Variants in UQCC2 observed in about 807,000 individuals in gnomAD.
UQCC2 encodes breast cancer-associated protein SGA-81M.
In UQCC2, 21 loss-of-function variants were observed where a neutral mutation model predicts 19.9. The ratio of observed to expected loss-of-function variants is 1.05; its 90% CI spans 0.75 to 1.52. UQCC2 has a LOEUF of 1.52. Among genes scored for constraint, UQCC2 ranks in the 40% most tolerant of loss-of-function variants. The pLI, the probability that UQCC2 is intolerant of heterozygous loss-of-function variation, is 0.00. For synonymous variants in UQCC2, 57 were observed against 60.9 expected, an observed-to-expected ratio of 0.94 and a Z score of 0.30; for missense variants, 135 against 157.5, an observed-to-expected ratio of 0.86 and a Z score of 0.76.
intron 1 of UQCC2, among the ~76,000 whole-genome samples, chr6:33,709,616 C>A (rs951015692): frequency 6.6e-6 from 1 of 152,128 alleles, no homozygotes; most frequent in African/African-American, 2.4e-5. Context: ...TGAAGACCAC[C>A]ATGAATAATG....
rs1028234601 is a variant in UQCC2 at position 33,697,407 on chromosome 6, C to T, written c.*246G>A. The T allele has an allele frequency of 9.2e-6, 4 of 435,938 alleles. No individual in the cohort carries two copies. Among genetic ancestry groups the T allele is most frequent in the Non-Finnish European group, 1.6e-5 (4 of 247,962 alleles). 27.0% of individuals were successfully genotyped at this position (435,938 alleles called of 1,614,324 possible). ...GAGGCCCCATTACCCTCATCAGGCC[C>T]AGAGGGAAACCTGCATTTCCTCTCC... On this transcript the variant is annotated 3_prime_UTR_variant, in exon 4 of 4. Coordinates refer to ENST00000607484, the MANE Select transcript of UQCC2 (RefSeq NM_032340.4).
chr6:33,708,398 CTT>C (rs919544367), intron 1 of UQCC2, among the ~76,000 whole-genome samples: 239 of 120,692 alleles, frequency 2.0e-3, no homozygotes, highest in African/African-American at 5.2e-3. Context: ...AGTGCGTTGT[CTT>C]GTTTTTCTGA....
Position 33,697,602 on chromosome 6 carries a change from G to T in UQCC2, c.*51C>A. On this transcript the variant is annotated 3_prime_UTR_variant, in exon 4 of 4. Transcript: ENST00000607484. ...AACTGGGGCAGTTTTATTGACGATG[G>T]CAATGTACAAGACTCCACACCTAGG... 1 of 1,392,102 alleles carries T rather than the reference G, an allele frequency of 7.2e-7. No individual in the cohort carries two copies. Among genetic ancestry groups the T allele is most frequent in the Non-Finnish European group, 9.9e-7 (1 of 1,008,942 alleles). The allele number at this position is 1,392,102 out of a possible 1,614,324, so 86.2% of individuals were successfully genotyped here.
At chr6:33,707,273 A>G (rs1765711356) in intron 1 of UQCC2, among the ~76,000 whole-genome samples, 1 of 152,208 alleles carries the variant, frequency 6.6e-6, no homozygotes, top group Non-Finnish European at 1.5e-5. Flanking sequence ...CATAATTAAA[A>G]ATAGGATAAT....
At position 33,700,529 on chromosome 6, in the gene UQCC2, G is replaced by C. The variant is rs781401762; in HGVS notation, c.214-16C>G. On this transcript the variant is annotated splice_polypyrimidine_tract_variant and intron_variant, in intron 2 of 3. Coordinates refer to ENST00000607484, the MANE Select transcript of UQCC2 (RefSeq NM_032340.4). ...GGCGAGGGTACTGGTCACCGGGGCA[G>C]AAAGGAAGTGAAGGGAGGGGAGAGA... 66 of 1,613,752 alleles carry C rather than the reference G, an allele frequency of 4.1e-5. No individual in the cohort carries two copies. The Admixed American group carries it at 8.8e-4, about 22-fold the overall frequency.
intron 1 of UQCC2, among the ~76,000 whole-genome samples, chr6:33,704,942 C>T (rs1011036289): frequency 5.9e-5 from 9 of 151,824 alleles, no homozygotes; most frequent in Non-Finnish European, 1.0e-4. Context: ...GCATGGGGGG[C>T]GGGTCACCCT....
intron 3 of UQCC2, among the ~76,000 whole-genome samples, chr6:33,699,762 C>T (rs1038004299): frequency 6.6e-6 from 1 of 152,126 alleles, no homozygotes; most frequent in African/African-American, 2.4e-5. Context: ...TTCTAGAATA[C>T]CAGAAGGAAA....
At chr6:33,709,411 G>A (rs1765738767) in intron 1 of UQCC2, among the ~76,000 whole-genome samples, 1 of 145,818 alleles carries the variant, frequency 6.9e-6, no homozygotes. Context: ...GACATTTACT[G>A]AGTGTTTTTT....
chr6:33,707,813 G>A lies in UQCC2; in HGVS notation c.138+3736C>T, dbSNP rs76259568. 2.0e-3 allele frequency among the ~76,000 whole-genome samples: 309 copies of A among 152,356 alleles called. 3 individuals carry two copies. The East Asian group carries it at 0.029, about 14-fold the overall frequency. On this transcript the variant is annotated intron_variant, in intron 1 of 3. Transcript: ENST00000607484. Reference sequence around the variant, plus strand: ...ATTCTTTTATTAAGCTCTCAGCGCTGTAGGAAACACGTGTTCTTAGACAAA... The same window carrying A: ...ATTCTTTTATTAAGCTCTCAGCGCTATAGGAAACACGTGTTCTTAGACAAA...
At chr6:33,702,012 T>C (rs1765646061) in intron 1 of UQCC2, among the ~76,000 whole-genome samples, 2 of 151,930 alleles carry the variant, frequency 1.3e-5, no homozygotes. Context: ...CAGTAGATTC[T>C]TTTGTTTTTT....
chr6:33,711,426 C>T lies in UQCC2; in HGVS notation c.138+123G>A, dbSNP rs1004418409. The T allele has an allele frequency of 7.3e-6, 10 of 1,371,872 alleles. No homozygotes were observed. The East Asian group carries it at 7.9e-5, about 11-fold the overall frequency. The allele number at this position is 1,371,872 out of a possible 1,614,324, so 85.0% of individuals were successfully genotyped here. A position where few individuals can be genotyped will look rare whatever the true frequency, so the allele number is the denominator to read the frequency against. ...CTCCCTGGGGGAAAAAGGGGGTCCG[C>T]GCTCACGTGCTGCCTGGAAAGAGGG... On this transcript the variant is annotated intron_variant, in intron 1 of 3. Transcript: ENST00000607484.
intron 1 of UQCC2, among the ~76,000 whole-genome samples, chr6:33,709,336 T>C (rs965688817): frequency 1.3e-5 from 2 of 152,248 alleles, no homozygotes. Flanking sequence ...TTCTGCTACA[T>C]CTGAAACTAT....
chr6:33,700,570 T>G, intron 2 of UQCC2, 57 bp from the exon 3 acceptor site: 1 of 1,582,960 alleles, frequency 6.3e-7, no homozygotes, highest in South Asian at 1.1e-5. Context: ...ACACAAGCCC[T>G]GCTCTCTAAC....
intron 1 of UQCC2, among the ~76,000 whole-genome samples, chr6:33,711,075 C>T (rs953976476): frequency 1.3e-5 from 2 of 152,218 alleles, no homozygotes; most frequent in African/African-American, 4.8e-5. Flanking sequence ...CACCAGCTGC[C>T]ACTGGTGGTG....
rs566573650 is a variant in UQCC2 at position 33,697,355 on chromosome 6, G to C, written c.*298C>G. 3.4e-6 allele frequency: 1 copy of C among 292,318 alleles called. No homozygotes were observed. The highest frequency in any genetic ancestry group is 4.7e-5 in the Admixed American group (1 of 21,058). 18.1% of individuals were successfully genotyped at this position (292,318 alleles called of 1,614,324 possible). A position where few individuals can be genotyped will look rare whatever the true frequency, so the allele number is the denominator to read the frequency against. On this transcript the variant is annotated 3_prime_UTR_variant, in exon 4 of 4. Transcript: ENST00000607484. ...CCGTGCCAGAGGGGCGGGGGCTCCC[G>C]TGGCAATGCAGGAAGCACCTTGTGC...
intron 1 of UQCC2, among the ~76,000 whole-genome samples, chr6:33,706,445 C>G (rs895297430): frequency 5.9e-5 from 9 of 152,156 alleles, no homozygotes; most frequent in Non-Finnish European, 1.3e-4. Flanking sequence ...ACTACAGAGA[C>G]AAGATACACA....
intron 1 of UQCC2, 39 bp from the exon 2 acceptor site, chr6:33,701,459 G>C (rs779188585): frequency 2.5e-6 from 4 of 1,595,912 alleles, no homozygotes; most frequent in African/African-American, 1.3e-5. Flanking sequence ...GAGCAAAGGA[G>C]TCCTGCCTCC....
chr6:33,698,879 T>C (rs563036497), intron 3 of UQCC2, among the ~76,000 whole-genome samples: 8 of 152,352 alleles, frequency 5.3e-5, no homozygotes, highest in South Asian at 2.1e-4. Context: ...TAATTTTACG[T>C]GCATGTTAAA....
In UQCC2 at chr6:33,697,597, C is replaced by G; in HGVS notation, c.*56G>C. ...GGGGAAACTGGGGCAGTTTTATTGA[C>G]GATGGCAATGTACAAGACTCCACAC... On this transcript the variant is annotated 3_prime_UTR_variant, in exon 4 of 4. Coordinates refer to ENST00000607484, the MANE Select transcript of UQCC2 (RefSeq NM_032340.4). 7.3e-7 allele frequency: 1 copy of G among 1,365,380 alleles called. No homozygotes were observed. Among genetic ancestry groups the G allele is most frequent in the Non-Finnish European group, 1.0e-6 (1 of 987,666 alleles). 84.6% of individuals were successfully genotyped at this position (1,365,380 alleles called of 1,614,324 possible). A position where few individuals can be genotyped will look rare whatever the true frequency, so the allele number is the denominator to read the frequency against.
Sources: gnomAD v4.1 joint callset for allele counts (sites outside exome capture counted in the v4.1 genomes callset) on GRCh38, gnomAD v4.1.1 for gene constraint, MANE v1.5 for transcripts, NCBI Gene and HGNC (gene_info 2026-07-23, HGNC 2026-07-21) for gene names.